Variants in ST6GALNAC3 observed in about 807,000 individuals in gnomAD.
ST6GALNAC3 encodes alpha-N-acetylgalactosaminide alpha-2,6-sialyltransferase 3.
A neutral mutation model predicts 32.7 loss-of-function variants in ST6GALNAC3; 25 were observed. The ratio of observed to expected loss-of-function variants is 0.76; its 90% CI spans 0.56 to 1.07. The LOEUF (loss-of-function observed/expected upper bound fraction) is 1.07, where lower values mean the gene tolerates loss of function less well. ST6GALNAC3 is among the 50% of genes least tolerant of loss of function. The probability of loss-of-function intolerance (pLI) is 0.00; values close to 1 mark genes in which losing one functional copy is unlikely to be tolerated. For synonymous variants in ST6GALNAC3, 129 were observed against 133.1 expected, an observed-to-expected ratio of 0.97 and a Z score of 0.21; for missense variants, 355 against 382.4, an observed-to-expected ratio of 0.93 and a Z score of 0.60.
intron 3 of ST6GALNAC3, among the ~76,000 whole-genome samples, chr1:76,586,366 C>T: frequency 6.6e-6 from 1 of 152,182 alleles, no homozygotes. Context: ...ATCTGCTTAA[C>T]TAGAACACCC....
intron 2 of ST6GALNAC3, among the ~76,000 whole-genome samples, chr1:76,402,850 T>C (rs1369733245): frequency 6.6e-6 from 1 of 152,076 alleles, no homozygotes; most frequent in Non-Finnish European, 1.5e-5. Context: ...TGTTCCTGTT[T>C]CCAAGAAAGA....
At chr1:76,140,989 G>A (rs892438823) in intron 1 of ST6GALNAC3, among the ~76,000 whole-genome samples, 1 of 151,740 alleles carries the variant, frequency 6.6e-6, no homozygotes, top group Non-Finnish European at 1.5e-5. Context: ...CTCAGTAAAT[G>A]TTTCTTGAAA....
chr1:76,124,289 C>A (rs940564696), intron 1 of ST6GALNAC3, among the ~76,000 whole-genome samples: 76 of 151,954 alleles, frequency 5.0e-4, no homozygotes, highest in African/African-American at 1.8e-3. Context: ...GAAGCTGAGT[C>A]CCGTTAGCAT....
intron 1 of ST6GALNAC3, among the ~76,000 whole-genome samples, chr1:76,237,290 C>T (rs1284898386): frequency 2.0e-5 from 3 of 152,140 alleles, no homozygotes; most frequent in Admixed American, 6.6e-5. Context: ...CCCGCCACCA[C>T]GCCGGGCTAA....
intron 3 of ST6GALNAC3, among the ~76,000 whole-genome samples, chr1:76,430,635 C>G (rs201923203): frequency 6.6e-6 from 1 of 152,124 alleles, no homozygotes; most frequent in East Asian, 1.9e-4. Flanking sequence ...ATTCCTCAAG[C>G]ATTTATTTTT....
chr1:76,302,794 G>T (rs962694932), intron 1 of ST6GALNAC3, among the ~76,000 whole-genome samples: 2 of 151,944 alleles, frequency 1.3e-5, no homozygotes, highest in Non-Finnish European at 2.9e-5. Flanking sequence ...GGGTGTCCAG[G>T]TTCTGGGCGT....
intron 2 of ST6GALNAC3, among the ~76,000 whole-genome samples, chr1:76,323,775 T>TTA (rs1647015093): frequency 6.6e-6 from 1 of 152,208 alleles, no homozygotes; most frequent in Non-Finnish European, 1.5e-5. Flanking sequence ...ACTGTGATGG[T>TTA]CTATATCTGG....
At chr1:76,425,772 A>G (rs908148551) in intron 3 of ST6GALNAC3, among the ~76,000 whole-genome samples, 2 of 151,962 alleles carry the variant, frequency 1.3e-5, no homozygotes, top group Admixed American at 6.6e-5. Flanking sequence ...ATAGAAAGTG[A>G]ACTAAGATAT....
chr1:76,570,610 A>C (rs76444783), intron 3 of ST6GALNAC3, among the ~76,000 whole-genome samples: 1,892 of 152,204 alleles, frequency 0.012, 39 homozygotes, highest in African/African-American at 0.043. Flanking sequence ...CTTTATACTA[A>C]CACATGAATA....
At chr1:76,322,513 A>G (rs1022936321) in intron 2 of ST6GALNAC3, among the ~76,000 whole-genome samples, 2 of 152,202 alleles carry the variant, frequency 1.3e-5, no homozygotes, top group East Asian at 3.8e-4. Context: ...CATCTTACAC[A>G]AGAAATTCAT....
chr1:76,483,064 T>C (rs1009122926), intron 3 of ST6GALNAC3, among the ~76,000 whole-genome samples: 27 of 152,262 alleles, frequency 1.8e-4, no homozygotes, highest in African/African-American at 6.5e-4. Flanking sequence ...CTTATCCTTT[T>C]TATGGCTGCA....
intron 3 of ST6GALNAC3, among the ~76,000 whole-genome samples, chr1:76,473,840 T>C (rs1659183779): frequency 6.6e-6 from 1 of 152,126 alleles, no homozygotes. Context: ...TTGGAATTAG[T>C]TTAACCAGGA....
chr1:76,138,192 A>AT (rs1650068148), intron 1 of ST6GALNAC3, among the ~76,000 whole-genome samples: 1 of 152,112 alleles, frequency 6.6e-6, no homozygotes, highest in Admixed American at 6.5e-5. Context: ...AAAATATTTC[A>AT]TTTTTTTGAT....
At chr1:76,109,131 G>C (rs1647747364) in intron 1 of ST6GALNAC3, among the ~76,000 whole-genome samples, 1 of 152,112 alleles carries the variant, frequency 6.6e-6, no homozygotes, top group Non-Finnish European at 1.5e-5. Context: ...GAGAACAGTG[G>C]TACCCAGGCC....
chr1:76,582,779 T>A (rs1035207534), intron 3 of ST6GALNAC3, among the ~76,000 whole-genome samples: 3 of 152,184 alleles, frequency 2.0e-5, no homozygotes, highest in African/African-American at 7.2e-5. Context: ...CTTTCCTTTT[T>A]GCTTGGAAGT....
chr1:76,300,006 GT>G (rs1200407583), intron 1 of ST6GALNAC3, among the ~76,000 whole-genome samples: 1 of 152,036 alleles, frequency 6.6e-6, no homozygotes, highest in African/African-American at 2.4e-5. Context: ...AGTGGAAGAT[GT>G]TTGACCATGT....
chr1:76,246,271 C>T (rs2100683060), intron 1 of ST6GALNAC3, among the ~76,000 whole-genome samples: 1 of 152,078 alleles, frequency 6.6e-6, no homozygotes, highest in East Asian at 1.9e-4. Context: ...GGTAAATATT[C>T]CTGCATCCCT....
chr1:76,258,205 T>C (rs1658025828), intron 1 of ST6GALNAC3, among the ~76,000 whole-genome samples: 1 of 152,212 alleles, frequency 6.6e-6, no homozygotes, highest in African/African-American at 2.4e-5. Context: ...CCAGCTTTTA[T>C]GGTGAAATTC....
chr1:76,208,013 C>T (rs1366173745), intron 1 of ST6GALNAC3, among the ~76,000 whole-genome samples: 1 of 151,002 alleles, frequency 6.6e-6, no homozygotes, highest in Non-Finnish European at 1.5e-5. Context: ...CCTGCATTAG[C>T]CATCTCTGGC....
Sources: gnomAD v4.1 joint callset for allele counts (sites outside exome capture counted in the v4.1 genomes callset) on GRCh38, gnomAD v4.1.1 for gene constraint, MANE v1.5 for transcripts, NCBI Gene and HGNC (gene_info 2026-07-23, HGNC 2026-07-21) for gene names.